SOX5: variants seen among roughly 807,000 people sequenced by gnomAD.
The protein encoded by SOX5 is SRY-box transcription factor 5.
Under a neutral mutation model 92.0 loss-of-function variants are expected in SOX5, and 9 were observed. The observed-to-expected ratio is 0.10, with a 90% CI of 0.06 to 0.17. SOX5 has a LOEUF of 0.17. Ranked by LOEUF, SOX5 falls within the 10% of genes least tolerant of loss-of-function variation. The pLI is 1.00. For synonymous variants in SOX5, 344 were observed against 336.3 expected (o/e 1.02, Z -0.25); for missense variants, 642 against 944.5 (o/e 0.68, Z 4.20).
chr12:24,437,974 C>T (rs896033934), intron 1 of SOX5, among the ~76,000 whole-genome samples: 1 of 152,204 alleles, frequency 6.6e-6, no homozygotes, highest in African/African-American at 2.4e-5. Flanking sequence ...TATAAAGACA[C>T]ATGCACACGT....
intron 6 of SOX5, among the ~76,000 whole-genome samples, chr12:23,676,253 T>C (rs1482477307): frequency 1.3e-5 from 2 of 152,124 alleles, no homozygotes; most frequent in Non-Finnish European, 2.9e-5. Context: ...TGTGAGGTGA[T>C]GGACATGTTA....
intron 2 of SOX5, among the ~76,000 whole-genome samples, chr12:24,324,050 T>C (rs1950450730): frequency 6.6e-6 from 1 of 152,196 alleles, no homozygotes; most frequent in African/African-American, 2.4e-5. Context: ...GATCGTCCTT[T>C]GCTGTCAGTT....
intron 12 of SOX5, among the ~76,000 whole-genome samples, chr12:23,544,210 A>G (rs955367031): frequency 9.2e-5 from 14 of 152,210 alleles, no homozygotes; most frequent in Admixed American, 4.6e-4. Context: ...ACACAATTCA[A>G]GAGTTAACAA....
chr12:23,905,484 T>C (rs1281784779), intron 1 of SOX5, among the ~76,000 whole-genome samples: 1 of 152,220 alleles, frequency 6.6e-6, no homozygotes, highest in Non-Finnish European at 1.5e-5. Flanking sequence ...TAAACAAGTA[T>C]ATCTGCCAGT....
chr12:23,819,199 A>G (rs988722630), intron 3 of SOX5, among the ~76,000 whole-genome samples: 1 of 152,230 alleles, frequency 6.6e-6, no homozygotes, highest in African/African-American at 2.4e-5. Flanking sequence ...CAAACTTGTG[A>G]ATAACATGTT....
At chr12:24,413,801 G>A (rs566219256) in intron 1 of SOX5, among the ~76,000 whole-genome samples, 2 of 152,234 alleles carry the variant, frequency 1.3e-5, no homozygotes, top group African/African-American at 4.8e-5. Context: ...GTTTTTCATC[G>A]TGCGTCAGTG....
At chr12:23,928,962 T>C (rs1940741706) in intron 1 of SOX5, among the ~76,000 whole-genome samples, 1 of 151,844 alleles carries the variant, frequency 6.6e-6, no homozygotes, top group Non-Finnish European at 1.5e-5. Flanking sequence ...CAAGTAAATA[T>C]AATTACTAAA....
In SOX5 at chr12:24,045,331, C is replaced by T. The variant is rs186981140; in HGVS notation, c.-1-149307G>A. 1.4e-3 allele frequency among the ~76,000 whole-genome samples: 215 copies of T among 152,318 alleles called. 1 individual carries two copies. The highest frequency in any genetic ancestry group is 4.6e-3 in the Admixed American group (70 of 15,302). ...TATTTGAAGTAACTTTAAATAGCAT[C>T]TGTACGTATTAGGTACTCTATTGGT... On this transcript the variant is annotated intron_variant, in intron 4 of 4. Transcript: ENST00000446891.
Position 23,895,922 on chromosome 12 carries a change from G to C in SOX5, c.141C>G (p.Leu47=). The C allele has an allele frequency of 6.2e-7, 1 of 1,613,928 alleles. No individual in the cohort carries two copies. Among genetic ancestry groups the C allele is most frequent in the Non-Finnish European group, 8.5e-7 (1 of 1,179,834 alleles). ...CATGCAAGGGAAGGTGAAAGGCTGG[G>C]AGCCCGTCACTCTCCTCTTCTTCCA... The part of the protein sequence containing the change: ...QKVEEEESDG[L]PAFHLPLHVS... Residue 47 remains leucine, a synonymous_variant, in exon 2 of 15, where the codon CTC becomes CTG. Coordinates refer to ENST00000451604, the MANE Select transcript of SOX5 (RefSeq NM_006940.6).
intron 11 of SOX5, among the ~76,000 whole-genome samples, chr12:23,562,338 T>C (rs1284775584): frequency 1.3e-5 from 2 of 152,224 alleles, no homozygotes; most frequent in Non-Finnish European, 2.9e-5. Context: ...GATTGCCAGC[T>C]TCTTAGTGAT....
chr12:24,194,589 T>A (rs1035899788), intron 4 of SOX5, among the ~76,000 whole-genome samples: 1 of 152,120 alleles, frequency 6.6e-6, no homozygotes, highest in African/African-American at 2.4e-5. Context: ...ATCAGGAAAC[T>A]TTTTACTAAA....
At chr12:23,649,023 G>A (rs896994864) in intron 7 of SOX5, among the ~76,000 whole-genome samples, 5 of 152,020 alleles carry the variant, frequency 3.3e-5, no homozygotes, top group African/African-American at 1.2e-4. Context: ...TTAACTTAAA[G>A]CATGTCTCTA....
rs2096600695 is a variant in SOX5 at position 23,848,729 on chromosome 12, C to A, written c.271-2536G>T. 2.6e-5 allele frequency among the ~76,000 whole-genome samples: 4 copies of A among 152,298 alleles called. No homozygotes were observed. The South Asian group carries it at 8.3e-4, about 32-fold the overall frequency. On this transcript the variant is annotated intron_variant, in intron 2 of 14. Transcript: ENST00000451604. ...AGGTGAAATCAAGAGAACCAGCTAA[C>A]ATAAGCATAAGTGGTCCAGACCAGC... is the stretch of plus-strand genomic sequence containing the variant.
At chr12:23,838,843 TGGGGGGGGG>T in intron 3 of SOX5, among the ~76,000 whole-genome samples, 1 of 38,164 alleles carries the variant, frequency 2.6e-5, no homozygotes, top group South Asian at 9.3e-4. Flanking sequence ...TCTTTTTTTT[TGGGGGGGGG>T]GGGCGGGGAT....
At chr12:23,637,284 C>T (rs1406298503) in intron 8 of SOX5, among the ~76,000 whole-genome samples, 4 of 152,176 alleles carry the variant, frequency 2.6e-5, no homozygotes, top group South Asian at 4.1e-4. Context: ...TCGAGTATAG[C>T]TGTGAGTTTA....
At chr12:23,952,665 C>T (rs926696014), upstream of SOX5, among the ~76,000 whole-genome samples, 4 of 151,952 alleles carry the variant, frequency 2.6e-5, no homozygotes, top group East Asian at 1.9e-4. Flanking sequence ...TTGAAATAGA[C>T]GAGGAACTAG....
Position 23,784,789 on chromosome 12 carries a change from A to G in SOX5, c.482-29065T>C, listed in dbSNP as rs377227982. 2.6e-5 allele frequency among the ~76,000 whole-genome samples: 4 copies of G among 152,302 alleles called. No individual in the cohort carries two copies. The South Asian group carries it at 6.2e-4, about 24-fold the overall frequency. On this transcript the variant is annotated intron_variant, in intron 3 of 14. Transcript: ENST00000451604. ...CTTTCTTCATGGCATCAGAAAAAAA[A>G]TCATTGGCCACACGCAGTGGCTCAC...
At chr12:23,713,407 T>C (rs1453304704) in intron 6 of SOX5, among the ~76,000 whole-genome samples, 1 of 152,162 alleles carries the variant, frequency 6.6e-6, no homozygotes, top group Non-Finnish European at 1.5e-5. Flanking sequence ...ACAGCACTAA[T>C]AACATAACAG....
At chr12:23,648,885 T>C (rs1305995241) in intron 7 of SOX5, among the ~76,000 whole-genome samples, 3 of 152,178 alleles carry the variant, frequency 2.0e-5, no homozygotes, top group Non-Finnish European at 2.9e-5. Flanking sequence ...ACAGTTATTA[T>C]ATATCTTTAA....
Sources: gnomAD v4.1 joint callset for allele counts (sites outside exome capture counted in the v4.1 genomes callset) on GRCh38, gnomAD v4.1.1 for gene constraint, MANE v1.5 for transcripts, NCBI Gene and HGNC (gene_info 2026-07-23, HGNC 2026-07-21) for gene names.